PDLIM5: variants seen among roughly 807,000 people sequenced by gnomAD.
PDLIM5 encodes the protein PDZ and LIM domain 5.
A neutral mutation model predicts 64.2 loss-of-function variants in PDLIM5; 34 were observed. The ratio of observed to expected loss-of-function variants is 0.53; its 90% CI spans 0.40 to 0.71. PDLIM5 has a LOEUF of 0.71. Among genes scored for constraint, PDLIM5 ranks in the 30% least tolerant of loss-of-function variants. The pLI, the probability that PDLIM5 is intolerant of heterozygous loss-of-function variation, is 0.00. For synonymous variants in PDLIM5, 253 were observed against 269.1 expected (o/e 0.94, Z 0.59); for missense variants, 683 against 733.6 (o/e 0.93, Z 0.80).
chr4:94,457,909 G>A (rs1723521517), intron 2 of PDLIM5, among the ~76,000 whole-genome samples: 1 of 152,184 alleles, frequency 6.6e-6, no homozygotes, highest in Non-Finnish European at 1.5e-5. Flanking sequence ...TCTTACAAAA[G>A]TCTCTGCCAT....
chr4:94,621,333 G>GC (rs1336122965), intron 8 of PDLIM5, among the ~76,000 whole-genome samples: 5 of 152,106 alleles, frequency 3.3e-5, no homozygotes, highest in Non-Finnish European at 7.4e-5. Context: ...AAAATGCTAA[G>GC]CTCAGCCCCA....
intron 2 of PDLIM5, among the ~76,000 whole-genome samples, chr4:94,505,087 A>G (rs932119662): frequency 6.6e-6 from 1 of 152,206 alleles, no homozygotes; most frequent in African/African-American, 2.4e-5. Context: ...CACTTCTGAC[A>G]ATAGACATGT....
intron 5 of PDLIM5, chr4:94,579,513 C>G: frequency 7.4e-7 from 1 of 1,352,760 alleles, no homozygotes; most frequent in Non-Finnish European, 1.0e-6. Flanking sequence ...ATACTTTTCT[C>G]TTTGCAGAAA....
intron 12 of PDLIM5, 94 bp from the exon 13 acceptor site, chr4:94,663,884 G>C: frequency 1.5e-6 from 2 of 1,302,382 alleles, no homozygotes; most frequent in South Asian, 1.7e-5. Context: ...TATCCATTGG[G>C]GGGAAAAATC....
chr4:94,586,787 A>G (rs2110317679), intron 7 of PDLIM5, among the ~76,000 whole-genome samples: 1 of 152,292 alleles, frequency 6.6e-6, no homozygotes, highest in Non-Finnish European at 1.5e-5. Flanking sequence ...TATGTTTCCA[A>G]GAGGGATCTG....
chr4:94,477,175 G>A (rs1361379596), intron 2 of PDLIM5, among the ~76,000 whole-genome samples: 1 of 152,264 alleles, frequency 6.6e-6, no homozygotes, highest in South Asian at 2.1e-4. Context: ...TAGAGATCTG[G>A]GTGGAGTTAC....
At chr4:94,516,609 G>A (rs958523504) in intron 2 of PDLIM5, among the ~76,000 whole-genome samples, 2 of 151,870 alleles carry the variant, frequency 1.3e-5, no homozygotes, top group Non-Finnish European at 1.5e-5. Context: ...CTGCAGCCTC[G>A]ATCTCCTGGG....
At position 94,668,131 on chromosome 4, in the gene PDLIM5, T is replaced by C. The variant is rs1030629368; in HGVS notation, c.*4064T>C. 3.9e-5 allele frequency: 6 copies of C among 152,208 alleles called. No homozygotes were observed. The highest frequency in any genetic ancestry group is 1.4e-4 in the African/African-American group (6 of 41,454). The allele number at this position is 152,208 out of a possible 1,614,324, so 9.4% of individuals were successfully genotyped here. A position where few individuals can be genotyped will look rare whatever the true frequency, so the allele number is the denominator to read the frequency against. The stretch of plus-strand genomic sequence containing the variant: ...TGCTGTTTTGCTTTTGGATACATTT[T>C]CTAATTAGAAGTCACATGATAAATA... On this transcript the variant is annotated 3_prime_UTR_variant, in exon 13 of 13. Transcript: ENST00000317968.
At chr4:94,636,416 C>CAAA (rs71581597) in intron 8 of PDLIM5, among the ~76,000 whole-genome samples, 18 of 128,086 alleles carry the variant, frequency 1.4e-4, no homozygotes, top group African/African-American at 2.0e-4. Flanking sequence ...TTTAAAAAGG[C>CAAA]AAAAAAAAAA....
intron 10 of PDLIM5, among the ~76,000 whole-genome samples, chr4:94,655,878 A>G (rs1742171341): frequency 6.6e-6 from 1 of 152,156 alleles, no homozygotes; most frequent in African/African-American, 2.4e-5. Context: ...TCTCTCAAGG[A>G]TGGAAAGGGA....
intron 7 of PDLIM5, among the ~76,000 whole-genome samples, chr4:94,613,836 C>T (rs536514918): frequency 6.6e-6 from 1 of 151,724 alleles, no homozygotes; most frequent in South Asian, 2.1e-4. Flanking sequence ...AATAAAATAG[C>T]AATCTAATTT....
chr4:94,608,129 A>C, intron 7 of PDLIM5: 1 of 1,530,718 alleles, frequency 6.5e-7, no homozygotes, highest in Non-Finnish European at 8.8e-7. Context: ...GGTGTTAACT[A>C]TTGGTAGCCA....
intron 2 of PDLIM5, among the ~76,000 whole-genome samples, chr4:94,473,496 G>A (rs747273515): frequency 3.3e-5 from 5 of 152,052 alleles, no homozygotes; most frequent in Non-Finnish European, 7.4e-5. Flanking sequence ...TCCTGACCTC[G>A]TGATCCACCC....
chr4:94,640,070 T>C (rs1439739737), intron 8 of PDLIM5, among the ~76,000 whole-genome samples: 1 of 152,140 alleles, frequency 6.6e-6, no homozygotes, highest in East Asian at 1.9e-4. Context: ...TCATAATTCT[T>C]TTACTTTGTT....
At chr4:94,529,270 C>T (rs1055113543) in intron 3 of PDLIM5, among the ~76,000 whole-genome samples, 21 of 152,118 alleles carry the variant, frequency 1.4e-4, no homozygotes, top group African/African-American at 3.6e-4. Flanking sequence ...ATAGTGGTGG[C>T]GCTGCCTTTT....
At chr4:94,493,549 A>T (rs1727064221) in intron 2 of PDLIM5, among the ~76,000 whole-genome samples, 1 of 152,092 alleles carries the variant, frequency 6.6e-6, no homozygotes, top group Non-Finnish European at 1.5e-5. Context: ...GACCCTTTTA[A>T]TTGCTGAATA....
rs115841731 is a variant in PDLIM5, at chr4:94,456,920, G to A, written c.96+1536G>A. On this transcript the variant is annotated intron_variant, in intron 2 of 12. Transcript: ENST00000317968. ...CCCATTGTATATAACTGTGCTGTGC[G>A]CTCACATGACTGTATGGAAGAGCTG... The A allele has an allele frequency of 2.0e-3, 2,042 of 1,001,668 alleles. 43 individuals are homozygous for A. In the African/African-American group the frequency reaches 0.031, roughly 15 times the overall value. The allele number at this position is 1,001,668 out of a possible 1,614,324, so 62.0% of individuals were successfully genotyped here.
At position 94,467,981 on chromosome 4, in the gene PDLIM5, TTTAA is replaced by T. The variant is rs1400248378; in HGVS notation, c.96+12600_96+12603del. Among the ~76,000 whole-genome samples, 3 of 152,336 alleles carry T rather than the reference TTTAA, an allele frequency of 2.0e-5. No individual in the cohort carries two copies. The East Asian group carries it at 5.8e-4, about 29-fold the overall frequency. On this transcript the variant is annotated intron_variant, in intron 2 of 12. Coordinates refer to ENST00000317968, the MANE Select transcript of PDLIM5 (RefSeq NM_006457.5). The stretch of plus-strand genomic sequence containing the variant: ...ATTTACCTTTAAAAGTAGTTTAGGT[TTTAA>T]TTGTCTCTTTAAGTCAACTCCTAGA...
chr4:94,585,429 A>G (rs1337801397), intron 5 of PDLIM5, 136 bp from the exon 6 acceptor site: 1 of 570,954 alleles, frequency 1.8e-6, no homozygotes, highest in South Asian at 4.1e-5. Context: ...GACCGAATAT[A>G]CTTGCAAAGC....
Sources: gnomAD v4.1 joint callset for allele counts (sites outside exome capture counted in the v4.1 genomes callset) on GRCh38, gnomAD v4.1.1 for gene constraint, MANE v1.5 for transcripts, NCBI Gene and HGNC (gene_info 2026-07-23, HGNC 2026-07-21) for gene names.